Variants in RAB3IP observed in about 807,000 individuals in gnomAD.
RAB3IP encodes the protein rab-3A-interacting protein.
RAB3IP carries 36 observed loss-of-function variants against 59.1 expected under a neutral mutation model. The observed-to-expected ratio is 0.61, with a 90% CI of 0.47 to 0.80. RAB3IP has a LOEUF of 0.80. Among genes scored for constraint, RAB3IP ranks in the 30% least tolerant of loss-of-function variants. The pLI is 0.00. For missense variants in RAB3IP, 511 were observed against 536.0 expected, an observed-to-expected ratio of 0.95 and a Z score of 0.46; for synonymous variants, 207 against 191.2, an observed-to-expected ratio of 1.08 and a Z score of -0.68.
chr12:69,810,319 C>T (rs2136281531), intron 8 of RAB3IP, among the ~76,000 whole-genome samples: 1 of 152,226 alleles, frequency 6.6e-6, no homozygotes, highest in South Asian at 2.1e-4. Flanking sequence ...CTGGGGGGTG[C>T]CTCCCAGTTA....
Position 69,795,149 on chromosome 12 carries a change from A to C in RAB3IP, c.693A>C (p.Val231=). The change falls in exon 6 of 11, where the codon GTA becomes GTC. Residue 231 remains valine, a synonymous_variant. Coordinates refer to ENST00000247833, the MANE Select transcript of RAB3IP (RefSeq NM_022456.5). ...QLKEAQGKID[V]LQAEVAALKT... ...GTTGATTTCTTTCCAAGATTGATGTACTTCAAGCTGAAGTAGCTGCATTGA... is the reference window on the plus strand; with the variant it reads ...GTTGATTTCTTTCCAAGATTGATGTCCTTCAAGCTGAAGTAGCTGCATTGA... 1 of 1,612,912 alleles carries C rather than the reference A, an allele frequency of 6.2e-7. No homozygotes were observed.
chr12:69,761,477 ATCTAATC>A (rs1871300164), intron 3 of RAB3IP, among the ~76,000 whole-genome samples: 1 of 152,102 alleles, frequency 6.6e-6, no homozygotes, highest in Non-Finnish European at 1.5e-5. Context: ...TGGGTGGTAA[ATCTAATC>A]CCTGTTCCTC....
At position 69,822,690 on chromosome 12, in the gene RAB3IP, A is replaced by G. The variant is rs990576709; in HGVS notation, c.*7244A>G. 3 of 152,194 alleles carry G rather than the reference A, an allele frequency of 2.0e-5. 1 individual carries two copies. Among genetic ancestry groups the G allele is most frequent in the African/African-American group, 7.2e-5 (3 of 41,444 alleles). 9.4% of individuals were successfully genotyped at this position (152,194 alleles called of 1,614,324 possible). A position where few individuals can be genotyped will look rare whatever the true frequency, so the allele number is the denominator to read the frequency against. On this transcript the variant is annotated 3_prime_UTR_variant, in exon 11 of 11. Transcript: ENST00000247833. ...AGTGGATTTGGAATGTTCTCAACACAAATGATAAATGTTTGAGGTGATGGA... is the reference window on the plus strand; with the variant it reads ...AGTGGATTTGGAATGTTCTCAACACGAATGATAAATGTTTGAGGTGATGGA...
rs780460116 is a variant in RAB3IP, at chr12:69,756,511, C to T, written c.358C>T (p.Gln120Ter). 3.1e-6 allele frequency: 5 copies of T among 1,614,062 alleles called. No homozygotes were observed. The South Asian group carries it at 5.5e-5, about 18-fold the overall frequency. Reference sequence around the variant, plus strand: ...CTATAATGCAGAGAGAGAGTTTTTACAGGGTGCTACTATAACAGAGGCTTG... The same window carrying T: ...CTATAATGCAGAGAGAGAGTTTTTATAGGGTGCTACTATAACAGAGGCTTG... ...DNYNAEREFL[Q>*]GATITEACDG... Residue 120 changes from glutamine (Q) to a stop codon, truncating the protein, a stop_gained, in exon 3 of 11, where the codon CAG (glutamine) becomes TAG (stop). Coordinates refer to ENST00000247833, the MANE Select transcript of RAB3IP (RefSeq NM_022456.5). LOFTEE classifies it high-confidence loss of function.
intron 1 of RAB3IP, among the ~76,000 whole-genome samples, chr12:69,753,912 A>G (rs151297614): frequency 9.2e-5 from 14 of 152,282 alleles, no homozygotes; most frequent in African/African-American, 3.4e-4. Flanking sequence ...ATATAATTGA[A>G]TAGTTACATG....
chr12:69,801,781 C>T (rs1442288128), intron 8 of RAB3IP, 60 bp downstream of exon 8: 4 of 1,055,870 alleles, frequency 3.8e-6, no homozygotes, highest in Non-Finnish European at 5.8e-6. Context: ...TTATGGGTTG[C>T]AGTTATTTAG....
chr12:69,741,509 C>T (rs1887343496), intron 1 of RAB3IP, among the ~76,000 whole-genome samples: 1 of 152,158 alleles, frequency 6.6e-6, no homozygotes, highest in South Asian at 2.1e-4. Flanking sequence ...TAAAAATATC[C>T]AAGTTTTCTG....
At chr12:69,787,068 C>T (rs1875798615) in intron 4 of RAB3IP, among the ~76,000 whole-genome samples, 2 of 151,966 alleles carry the variant, frequency 1.3e-5, no homozygotes, top group East Asian at 3.9e-4. Flanking sequence ...TTTTTTTGCA[C>T]TTTATATGTG....
intron 3 of RAB3IP, among the ~76,000 whole-genome samples, chr12:69,765,491 C>G (rs1872046493): frequency 6.6e-6 from 1 of 152,200 alleles, no homozygotes. Context: ...ATAAAGCCTA[C>G]TTGATCATAA....
At chr12:69,755,996 T>G (rs1479502189) in intron 2 of RAB3IP, among the ~76,000 whole-genome samples, 2 of 152,260 alleles carry the variant, frequency 1.3e-5, no homozygotes, top group African/African-American at 4.8e-5. Context: ...ATTTTGAATT[T>G]CATTTAATTT....
chr12:69,821,634 T>A lies in RAB3IP; in HGVS notation c.*6188T>A, dbSNP rs543047073. 1.6e-4 allele frequency: 24 copies of A among 152,344 alleles called. No homozygotes were observed. The East Asian group carries it at 2.9e-3, about 18-fold the overall frequency. 9.4% of individuals were successfully genotyped at this position (152,344 alleles called of 1,614,324 possible). On this transcript the variant is annotated 3_prime_UTR_variant, in exon 11 of 11. Transcript: ENST00000247833. ...TTTATTTTTCTGTTTGTCCATCTTG[T>A]TTTTGAACAATTGCCAGCATTTAAA...
intron 7 of RAB3IP, among the ~76,000 whole-genome samples, chr12:69,801,038 C>G (rs150958915): frequency 6.6e-6 from 1 of 152,162 alleles, no homozygotes; most frequent in South Asian, 2.1e-4. Flanking sequence ...GGCTCTGTAT[C>G]TGGTTTCAGG....
chr12:69,782,704 G>T (rs1874943929), intron 3 of RAB3IP, among the ~76,000 whole-genome samples: 1 of 152,010 alleles, frequency 6.6e-6, no homozygotes, highest in Non-Finnish European at 1.5e-5. Flanking sequence ...TTTGTGTCTT[G>T]TCTTCTCATT....
intron 1 of RAB3IP, among the ~76,000 whole-genome samples, chr12:69,747,050 G>C (rs1868421120): frequency 6.6e-6 from 1 of 151,930 alleles, no homozygotes. Context: ...TTTTTTTGAG[G>C]AAAATCACTC....
At position 69,756,570 on chromosome 12, in the gene RAB3IP, T is replaced by C. The variant is rs1870259249; in HGVS notation, c.417T>C (p.Thr139=). ...GTGATGATATTTTTGGGTTGAGTAC[T>C]GATAGTCTGTCTCGTTTACGAAGCC... is the stretch of plus-strand genomic sequence containing the variant. ...DGSDDIFGLS[T]DSLSRLRSPS... is the part of the protein sequence containing the mutation. The change falls in exon 3 of 11, where the codon ACT becomes ACC. Residue 139 remains threonine, a synonymous_variant. Coordinates refer to ENST00000247833, the MANE Select transcript of RAB3IP (RefSeq NM_022456.5). The C allele has an allele frequency of 6.2e-7, 1 of 1,614,040 alleles. No individual in the cohort carries two copies. Among genetic ancestry groups the C allele is most frequent in the African/African-American group, 1.3e-5 (1 of 74,928 alleles).
chr12:69,759,437 C>T (rs934944874), intron 3 of RAB3IP, among the ~76,000 whole-genome samples: 2 of 152,200 alleles, frequency 1.3e-5, no homozygotes, highest in Non-Finnish European at 1.5e-5. Flanking sequence ...CCCACCTTTC[C>T]CCCTTTTCTA....
At chr12:69,741,554 T>G (rs1008702342) in intron 1 of RAB3IP, among the ~76,000 whole-genome samples, 4 of 152,214 alleles carry the variant, frequency 2.6e-5, no homozygotes, top group African/African-American at 7.2e-5. Context: ...CTACAGTTAC[T>G]TTTAAGTCTA....
At chr12:69,769,485 C>T (rs1380666360) in intron 3 of RAB3IP, among the ~76,000 whole-genome samples, 1 of 152,198 alleles carries the variant, frequency 6.6e-6, no homozygotes, top group African/African-American at 2.4e-5. Flanking sequence ...ATCAGCCAGA[C>T]ACTATCACGG....
intron 4 of RAB3IP, 78 bp from the exon 5 acceptor site, chr12:69,794,359 A>G: frequency 8.5e-7 from 1 of 1,173,072 alleles, no homozygotes; most frequent in Non-Finnish European, 1.3e-6. Context: ...TCTTTGCTTC[A>G]ATTGTAAACA....
Sources: allele counts gnomAD v4.1 joint callset (sites outside exome capture counted in the v4.1 genomes callset), GRCh38; gene constraint gnomAD v4.1.1; transcripts MANE v1.5; gene names NCBI Gene and HGNC (gene_info 2026-07-23, HGNC 2026-07-21).